Variants in KIAA1958 observed in about 807,000 individuals in gnomAD.
KIAA1958 encodes uncharacterized protein KIAA1958.
A neutral mutation model predicts 47.2 loss-of-function variants in KIAA1958; 14 were observed. That is an observed-to-expected ratio of 0.30 (90% CI 0.20 to 0.46). KIAA1958 has a LOEUF of 0.46. Ranked by LOEUF, KIAA1958 falls within the 20% of genes least tolerant of loss-of-function variation. The pLI is 1.00. For missense variants in KIAA1958, 803 were observed against 909.2 expected, an observed-to-expected ratio of 0.88 and a Z score of 1.50; for synonymous variants, 354 against 353.3, an observed-to-expected ratio of 1.00 and a Z score of -0.02.
Position 112,663,115 on chromosome 9 carries a change from G to A in KIAA1958, c.*3046G>A, listed in dbSNP as rs201060164. The A allele has an allele frequency of 1.3e-5, 2 of 152,232 alleles. No homozygotes were observed. The highest frequency in any genetic ancestry group is 4.8e-5 in the African/African-American group (2 of 41,442). The allele number at this position is 152,232 out of a possible 1,614,324, so 9.4% of individuals were successfully genotyped here. ...TGACTGAAGCACAAGTTGCCCCTGG[G>A]CTCTGTGTCAAGGCTGGTGGTACTG... On this transcript the variant is annotated 3_prime_UTR_variant, in exon 4 of 4. Coordinates refer to ENST00000337530, the MANE Select transcript of KIAA1958 (RefSeq NM_133465.4).
chr9:112,543,567 CTTTTTTTT>C (rs138422704), intron 1 of KIAA1958, among the ~76,000 whole-genome samples: 6 of 108,168 alleles, frequency 5.5e-5, no homozygotes, highest in South Asian at 3.0e-4. Flanking sequence ...TTCTGAGCTT[CTTTTTTTT>C]TTTTTTTTTT....
rs35931681 is a variant in KIAA1958 at position 112,567,959 on chromosome 9, C to CAA, written c.-24-6074_-24-6073dup. Among the ~76,000 whole-genome samples, 503 of 65,972 alleles carry CAA rather than the reference C, an allele frequency of 7.6e-3. 9 individuals carry two copies. The highest frequency in any genetic ancestry group is 0.02 in the African/African-American group (315 of 15,678). The allele number at this position is 65,972 out of a possible 152,430, so 43.3% of individuals were successfully genotyped here. A position where few individuals can be genotyped will look rare whatever the true frequency, so the allele number is the denominator to read the frequency against. On this transcript the variant is annotated intron_variant, in intron 1 of 3. Transcript: ENST00000337530. The stretch of plus-strand genomic sequence containing the variant: ...TGGGCGACAGAGCGAGAATCCATCT[C>CAA]AAAAAAAAAAAAAAAAAAAAAAAAA...
At position 112,618,430 on chromosome 9, in the gene KIAA1958, G is replaced by T; in HGVS notation, c.1172-27220G>T. 1 of 1,551,152 alleles carries T rather than the reference G, an allele frequency of 6.4e-7. No homozygotes were observed. Among genetic ancestry groups the T allele is most frequent in the Non-Finnish European group, 8.7e-7 (1 of 1,147,138 alleles). ...ATATCCGGCTCCGGGTAACAGAGAC[G>T]GGTCTCGAGTACTTGGAGTGGATGG... is the stretch of plus-strand genomic sequence containing the variant. On this transcript the variant is annotated intron_variant, in intron 2 of 3. Coordinates refer to ENST00000337530, the MANE Select transcript of KIAA1958 (RefSeq NM_133465.4). The surrounding 1 kb of genome is among the most constrained non-coding windows in gnomAD (Gnocchi z 7.1).
intron 1 of KIAA1958, among the ~76,000 whole-genome samples, chr9:112,491,747 A>G (rs1299177804): frequency 6.6e-6 from 1 of 152,064 alleles, no homozygotes; most frequent in African/African-American, 2.4e-5. Flanking sequence ...AGTTGCTTCC[A>G]TTGCTTTCCC....
At chr9:112,503,957 T>G (rs1189428193) in intron 1 of KIAA1958, among the ~76,000 whole-genome samples, 1 of 151,170 alleles carries the variant, frequency 6.6e-6, no homozygotes. Context: ...TTGCCATGCT[T>G]TCTATAATTT....
intron 2 of KIAA1958, among the ~76,000 whole-genome samples, chr9:112,637,727 G>A (rs1836827860): frequency 6.6e-6 from 1 of 152,104 alleles, no homozygotes; most frequent in African/African-American, 2.4e-5. Context: ...TAGACTTGTA[G>A]CAATTTTCTT....
At chr9:112,575,640 A>G (rs1588025169) in intron 2 of KIAA1958, among the ~76,000 whole-genome samples, 1 of 152,176 alleles carries the variant, frequency 6.6e-6, no homozygotes, top group Non-Finnish European at 1.5e-5. Context: ...GGTAAGGCAT[A>G]TCATGACAAT....
At position 112,537,231 on chromosome 9, in the gene KIAA1958, G is replaced by A. The variant is rs151040852; in HGVS notation, c.-24-36826G>A. ...AGTGATTCTCCCGCCTCAGCCTCCC[G>A]AGTAACTGGAACTACAGGCACAAGC... On this transcript the variant is annotated intron_variant, in intron 1 of 3. Transcript: ENST00000337530. 4.4e-3 allele frequency among the ~76,000 whole-genome samples: 666 copies of A among 151,992 alleles called. 7 individuals carry two copies. The highest frequency in any genetic ancestry group is 0.015 in the African/African-American group (630 of 41,458).
intron 1 of KIAA1958, among the ~76,000 whole-genome samples, chr9:112,503,206 A>G (rs1462180742): frequency 1.3e-5 from 2 of 152,232 alleles, no homozygotes; most frequent in Admixed American, 1.3e-4. Flanking sequence ...TTGCCAAGGA[A>G]TATCTCACAG....
chr9:112,619,247 A>G (rs952572989), intron 2 of KIAA1958: 1 of 154,378 alleles, frequency 6.5e-6, no homozygotes, highest in Admixed American at 6.5e-5. Context: ...ATTGAGAGTC[A>G]TCCTAGACTT....
At chr9:112,595,973 C>T (rs1323533030) in intron 2 of KIAA1958, among the ~76,000 whole-genome samples, 1 of 151,868 alleles carries the variant, frequency 6.6e-6, no homozygotes, top group African/African-American at 2.4e-5. Context: ...TTAGTAAAGA[C>T]GGGGTTTCTC....
chr9:112,606,084 A>G (rs1836229066), intron 2 of KIAA1958, among the ~76,000 whole-genome samples: 1 of 152,184 alleles, frequency 6.6e-6, no homozygotes, highest in Non-Finnish European at 1.5e-5. Flanking sequence ...GCTTGAGTGA[A>G]TGAATGAGGT....
intron 1 of KIAA1958, among the ~76,000 whole-genome samples, chr9:112,559,266 T>A (rs1217193161): frequency 6.6e-6 from 1 of 152,172 alleles, no homozygotes; most frequent in Non-Finnish European, 1.5e-5. Flanking sequence ...GATAACCAGA[T>A]CCACAGGGGT....
intron 1 of KIAA1958, among the ~76,000 whole-genome samples, chr9:112,541,009 C>A (rs538312397): frequency 1.3e-5 from 2 of 152,004 alleles, no homozygotes; most frequent in African/African-American, 4.8e-5. Context: ...GGTGAGTCAC[C>A]GAGCCTGGCC....
intron 1 of KIAA1958, among the ~76,000 whole-genome samples, chr9:112,510,160 G>A (rs1307083672): frequency 1.3e-5 from 2 of 152,198 alleles, no homozygotes; most frequent in East Asian, 1.9e-4. Context: ...AACTGTTTGG[G>A]AGAAGCTGGT....
chr9:112,561,350 G>A (rs950567718), intron 1 of KIAA1958, among the ~76,000 whole-genome samples: 1 of 151,852 alleles, frequency 6.6e-6, no homozygotes, highest in Admixed American at 6.6e-5. Flanking sequence ...CACCCCACCT[G>A]GCCTGTCTTT....
chr9:112,605,064 T>C (rs1269797192), intron 2 of KIAA1958, among the ~76,000 whole-genome samples: 2 of 147,960 alleles, frequency 1.4e-5, no homozygotes, highest in African/African-American at 2.5e-5. Flanking sequence ...ATATTATATA[T>C]ATAAATTTGT....
chr9:112,631,534 G>GAAA (rs57805823), intron 2 of KIAA1958, among the ~76,000 whole-genome samples: 33 of 98,286 alleles, frequency 3.4e-4, no homozygotes, highest in Non-Finnish European at 5.1e-4. Flanking sequence ...CTCTCTCAAA[G>GAAA]AAAAAAAAAA....
At chr9:112,546,826 G>A (rs568328696) in intron 1 of KIAA1958, among the ~76,000 whole-genome samples, 3 of 152,120 alleles carry the variant, frequency 2.0e-5, no homozygotes, top group East Asian at 3.9e-4. Context: ...GTATGAACTC[G>A]TCTTTTCTCT....
Sources: gnomAD v4.1 joint callset for allele counts (sites outside exome capture counted in the v4.1 genomes callset) on GRCh38, gnomAD v4.1.1 for gene constraint, Gnocchi (gnomAD v3.1) non-coding constraint, MANE v1.5 for transcripts, NCBI Gene and HGNC (gene_info 2026-07-23, HGNC 2026-07-21) for gene names.